The following RYR3 variants were observed in gnomAD, a reference collection of about 807,000 sequenced individuals.
RYR3 encodes ryanodine receptor 3, also known as brain ryanodine receptor-calcium release channel.
A neutral mutation model predicts 584.3 loss-of-function variants in RYR3; 207 were observed. That is an observed-to-expected ratio of 0.35 (90% CI 0.32 to 0.40). The LOEUF is 0.40. Ranked by LOEUF, RYR3 falls within the 10% of genes least tolerant of loss-of-function variation. The probability of loss-of-function intolerance (pLI) is 1.00; values close to 1 mark genes in which losing one functional copy is unlikely to be tolerated. For synonymous variants in RYR3, 2,416 were observed against 2,248.5 expected, an observed-to-expected ratio of 1.07 and a Z score of -2.11; for missense variants, 5,616 against 6,089.2, an observed-to-expected ratio of 0.92 and a Z score of 2.59.
chr15:33,794,153 T>TATATATAATATACATA (rs1567184665), intron 67 of RYR3, among the ~76,000 whole-genome samples: 2 of 106,358 alleles, frequency 1.9e-5, no homozygotes, highest in Admixed American at 1.2e-4. Context: ...CATAAATATA[T>TATATATAATATACATA]AATATATAAT....
chr15:33,736,137 C>G, intron 48 of RYR3, 98 bp from the exon 49 acceptor site: 1 of 739,670 alleles, frequency 1.4e-6, no homozygotes, highest in Non-Finnish European at 2.3e-6. Context: ...TGTTTTGAGG[C>G]TTGGCTGTAA....
intron 1 of RYR3, among the ~76,000 whole-genome samples, chr15:33,401,146 C>T (rs931739169): frequency 6.6e-6 from 1 of 152,146 alleles, no homozygotes; most frequent in Non-Finnish European, 1.5e-5. Context: ...GCGGTCTCTT[C>T]TGCTCGGCTA....
Position 33,635,594 on chromosome 15 carries a change from C to G in RYR3, c.3176-20C>G. 1 of 1,599,426 alleles carries G rather than the reference C, an allele frequency of 6.3e-7. No individual in the cohort carries two copies. The highest frequency in any genetic ancestry group is 1.7e-5 in the Admixed American group (1 of 59,546). ...CTCTTTCCCTTCCACACCCTCTGTTCGCCTTTCTTCTCACAATAGCTGACT... is the reference window on the plus strand; with the variant it reads ...CTCTTTCCCTTCCACACCCTCTGTTGGCCTTTCTTCTCACAATAGCTGACT... On this transcript the variant is annotated intron_variant, in intron 25 of 103. Transcript: ENST00000634891.
rs2152706153 is a variant in RYR3 at position 33,662,263 on chromosome 15, A to G, written c.4733A>G (p.Tyr1578Cys). ...VCALGNSRVA[Y>C]ALCSHVDLSQ... is the part of the protein sequence containing the mutation. Reference sequence around the variant, plus strand: ...GCCCTGGGAAACAGCCGCGTGGCCTACGCCCTGTGCAGCCACGTGGACCTC... The same window carrying G: ...GCCCTGGGAAACAGCCGCGTGGCCTGCGCCCTGTGCAGCCACGTGGACCTC... The change falls in exon 35 of 104, where the codon TAC becomes TGC. Residue 1578 changes from tyrosine (Y) to cysteine (C), a missense_variant. Physicochemically the swap from Tyr to Cys is radical, Grantham distance 194 (BLOSUM62 -2). Transcript: ENST00000634891. 6.2e-7 allele frequency: 1 copy of G among 1,610,712 alleles called. No homozygotes were observed. Among genetic ancestry groups the G allele is most frequent in the South Asian group, 1.1e-5 (1 of 90,130 alleles).
intron 25 of RYR3, among the ~76,000 whole-genome samples, chr15:33,635,117 A>G (rs1008960737): frequency 7.2e-5 from 11 of 152,224 alleles, no homozygotes; most frequent in African/African-American, 2.7e-4. Context: ...AAGCTTGTTC[A>G]GATTAAAATC....
At position 33,706,935 on chromosome 15, in the gene RYR3, C is replaced by A; in HGVS notation, c.6500C>A (p.Ala2167Glu). ...PDLEKVVTYL[A>E]GCGLQSCPML... is the part of the protein sequence containing the mutation. ...TTCTGGCAGGTGGTGACCTACTTGG[C>A]AGGCTGTGGCCTACAGAGCTGCCCC... The change falls in exon 43 of 104, where the codon GCA becomes GAA. Residue 2167 changes from alanine to glutamate, a missense_variant. Ala to Glu is a moderately radical substitution (Grantham distance 107). This residue lies in a region of RYR3 where 1,280 missense variants were observed against 1,426.2 expected (regional missense o/e 0.90). Coordinates refer to ENST00000634891, the MANE Select transcript of RYR3 (RefSeq NM_001036.6). The A allele has an allele frequency of 6.2e-7, 1 of 1,608,104 alleles. No individual in the cohort carries two copies. Among genetic ancestry groups the A allele is most frequent in the Non-Finnish European group, 8.5e-7 (1 of 1,176,940 alleles).
chr15:33,520,016 T>C (rs1055990621), intron 3 of RYR3, among the ~76,000 whole-genome samples: 1 of 151,882 alleles, frequency 6.6e-6, no homozygotes, highest in Non-Finnish European at 1.5e-5. Flanking sequence ...ACAAAAAAGA[T>C]AGAGAGATTT....
At chr15:33,461,231 A>G (rs990012309) in intron 1 of RYR3, among the ~76,000 whole-genome samples, 1 of 152,080 alleles carries the variant, frequency 6.6e-6, no homozygotes, top group African/African-American at 2.4e-5. Context: ...GGCGTGAGCC[A>G]CCGCGCCCGG....
chr15:33,493,411 G>A (rs574318326), intron 2 of RYR3, among the ~76,000 whole-genome samples: 7 of 152,030 alleles, frequency 4.6e-5, no homozygotes, highest in East Asian at 1.9e-4. Context: ...GGATTGTTAC[G>A]TTCCCATTAA....
At chr15:33,860,134 T>C (rs2080180136) in intron 100 of RYR3, among the ~76,000 whole-genome samples, 1 of 152,096 alleles carries the variant, frequency 6.6e-6, no homozygotes, top group Non-Finnish European at 1.5e-5. Flanking sequence ...CAACAGCTTG[T>C]CAAGATTGGA....
At chr15:33,696,898 G>C (rs1165528175) in intron 39 of RYR3, among the ~76,000 whole-genome samples, 1 of 152,168 alleles carries the variant, frequency 6.6e-6, no homozygotes, top group Non-Finnish European at 1.5e-5. Flanking sequence ...GACTAACCTA[G>C]AGTCGTTTTT....
chr15:33,749,858 C>A, intron 55 of RYR3, 121 bp from the exon 56 acceptor site: 1 of 739,026 alleles, frequency 1.4e-6, no homozygotes, highest in Non-Finnish European at 2.3e-6. Context: ...AGCCCTTGGC[C>A]GTCTGCTGTT....
At chr15:33,515,622 A>T (rs2053445852) in intron 3 of RYR3, among the ~76,000 whole-genome samples, 1 of 152,226 alleles carries the variant, frequency 6.6e-6, no homozygotes. Flanking sequence ...TTGCATTTGC[A>T]GTTTCTTGTG....
intron 1 of RYR3, among the ~76,000 whole-genome samples, chr15:33,465,934 C>T (rs758680579): frequency 6.6e-6 from 1 of 152,038 alleles, no homozygotes; most frequent in Non-Finnish European, 1.5e-5. Flanking sequence ...TCAAGCAACC[C>T]CAGAGAATAG....
intron 12 of RYR3, among the ~76,000 whole-genome samples, chr15:33,568,665 A>G (rs2057850888): frequency 6.6e-6 from 1 of 152,166 alleles, no homozygotes; most frequent in South Asian, 2.1e-4. Context: ...TGCTGGGCAC[A>G]AGTGATCCTC....
At chr15:33,812,720 C>T in intron 72 of RYR3, 143 bp from the exon 73 acceptor site, 1 of 718,062 alleles carries the variant, frequency 1.4e-6, no homozygotes, top group Non-Finnish European at 2.2e-6. Flanking sequence ...TACAGTGTTC[C>T]AGAAGATAAT....
intron 1 of RYR3, among the ~76,000 whole-genome samples, chr15:33,340,554 G>T (rs183756937): frequency 2.4e-3 from 369 of 152,230 alleles, no homozygotes; most frequent in African/African-American, 8.0e-3. Flanking sequence ...GTGTCGGCAG[G>T]TTTAGTTTCT....
Position 33,738,463 on chromosome 15 carries a change from A to G in RYR3, c.7529A>G (p.His2510Arg), listed in dbSNP as rs946229790. ...TGCACCTCCCAGCTTCTGACGAATCACTATGAACAGTGTTGGAAGTATTAC... is the reference window on the plus strand; with the variant it reads ...TGCACCTCCCAGCTTCTGACGAATCGCTATGAACAGTGTTGGAAGTATTAC... ...CKMPLKLLTNHYEQCWKYYCL... is the reference protein window; with the variant it reads ...CKMPLKLLTNRYEQCWKYYCL... Residue 2510 changes from histidine (H) to arginine (R), a missense_variant, in exon 50 of 104, where the codon CAC becomes CGC. Around this residue, in one of 9 missense-constraint regions of RYR3, gnomAD observed 1,280 missense variants for 1,426.2 expected, o/e 0.90. Coordinates refer to ENST00000634891, the MANE Select transcript of RYR3 (RefSeq NM_001036.6). 4 of 1,613,492 alleles carry G rather than the reference A, an allele frequency of 2.5e-6. No individual in the cohort carries two copies. The highest frequency in any genetic ancestry group is 3.4e-6 in the Non-Finnish European group (4 of 1,179,736).
chr15:33,393,209 T>A (rs2042106534), intron 1 of RYR3, among the ~76,000 whole-genome samples: 1 of 152,226 alleles, frequency 6.6e-6, no homozygotes, highest in Admixed American at 6.5e-5. Flanking sequence ...GTAGAATCTA[T>A]ATAACAGCTG....
Sources: allele counts gnomAD v4.1 joint callset (sites outside exome capture counted in the v4.1 genomes callset), GRCh38; gene constraint gnomAD v4.1.1; regional missense constraint gnomAD v4.1.1; transcripts MANE v1.5; gene names NCBI Gene and HGNC (gene_info 2026-07-23, HGNC 2026-07-21).